PEPD: variants seen among roughly 807,000 people sequenced by gnomAD.
PEPD encodes xaa-Pro dipeptidase.
In PEPD, 53 loss-of-function variants were observed where a neutral mutation model predicts 60.7. That is an observed-to-expected ratio of 0.87 (90% CI 0.70 to 1.10). PEPD has a LOEUF of 1.10. Ranked by LOEUF, PEPD falls within the 50% of genes least tolerant of loss-of-function variation. The pLI, the probability that PEPD is intolerant of heterozygous loss-of-function variation, is 0.00. For synonymous variants in PEPD, 267 were observed against 284.1 expected, an observed-to-expected ratio of 0.94 and a Z score of 0.60; for missense variants, 711 against 711.9, an observed-to-expected ratio of 1.00 and a Z score of 0.01.
chr19:33,457,894 T>C (rs147531228), intron 9 of PEPD, among the ~76,000 whole-genome samples: 117 of 152,350 alleles, frequency 7.7e-4, no homozygotes, highest in Non-Finnish European at 2.8e-4. Context: ...TTAACAAGAA[T>C]GCAGCAAGGA....
intron 6 of PEPD, among the ~76,000 whole-genome samples, chr19:33,479,986 T>C (rs1384599060): frequency 6.6e-6 from 1 of 152,224 alleles, no homozygotes; most frequent in African/African-American, 2.4e-5. Context: ...CTTTGCGGAA[T>C]TGCCACGCTG....
intron 12 of PEPD, among the ~76,000 whole-genome samples, chr19:33,401,027 C>T (rs1020473292): frequency 2.0e-5 from 3 of 152,142 alleles, no homozygotes; most frequent in Non-Finnish European, 2.9e-5. Flanking sequence ...CAGACATCAA[C>T]GGCGCGCGGT....
chr19:33,409,019 T>A (rs953644919), intron 11 of PEPD, among the ~76,000 whole-genome samples: 19 of 152,246 alleles, frequency 1.2e-4, no homozygotes, highest in African/African-American at 4.6e-4. Context: ...AATCACCAAT[T>A]TGGACTTGGC....
Position 33,387,875 on chromosome 19 carries a change from C to T in PEPD, c.1344+15G>A, listed in dbSNP as rs200924647. ...AGATGTTCTGGGAGCAAGAATGGGGCCCGTGGGCACTCACCCCGCCAAAAC... is the reference window on the plus strand; with the variant it reads ...AGATGTTCTGGGAGCAAGAATGGGGTCCGTGGGCACTCACCCCGCCAAAAC... On this transcript the variant is annotated intron_variant, in intron 14 of 14. Coordinates refer to ENST00000244137, the MANE Select transcript of PEPD (RefSeq NM_000285.4). 3 of 1,549,134 alleles carry T rather than the reference C, an allele frequency of 1.9e-6. No individual in the cohort carries two copies. Among genetic ancestry groups the T allele is most frequent in the South Asian group, 2.4e-5 (2 of 84,308 alleles).
chr19:33,477,967 G>C, intron 7 of PEPD, 79 bp downstream of exon 7: 1 of 937,444 alleles, frequency 1.1e-6, no homozygotes, highest in Non-Finnish European at 1.7e-6. Context: ...CTGAGACGGT[G>C]TGGGCAGGAA....
At chr19:33,488,642 G>A (rs1970440567) in intron 6 of PEPD, among the ~76,000 whole-genome samples, 1 of 152,164 alleles carries the variant, frequency 6.6e-6, no homozygotes, top group South Asian at 2.1e-4. Context: ...ACTCCCAGGA[G>A]GACACGAAGA....
At chr19:33,455,665 G>C (rs1373141614) in intron 9 of PEPD, among the ~76,000 whole-genome samples, 1 of 144,434 alleles carries the variant, frequency 6.9e-6, no homozygotes, top group African/African-American at 2.6e-5. Context: ...ACCACACTCA[G>C]CTAATTAAAA....
chr19:33,449,126 C>T (rs1969649061), intron 9 of PEPD, among the ~76,000 whole-genome samples: 1 of 152,238 alleles, frequency 6.6e-6, no homozygotes, highest in Admixed American at 6.5e-5. Flanking sequence ...CCAAAGCCAA[C>T]TCCAGGTAGC....
At chr19:33,468,862 G>A (rs564798974) in intron 7 of PEPD, among the ~76,000 whole-genome samples, 5 of 152,306 alleles carry the variant, frequency 3.3e-5, no homozygotes, top group South Asian at 2.1e-4. Flanking sequence ...CTCTGATGCC[G>A]CCGTATGGCG....
At chr19:33,416,041 T>C (rs1968883067) in intron 9 of PEPD, among the ~76,000 whole-genome samples, 1 of 152,126 alleles carries the variant, frequency 6.6e-6, no homozygotes, top group Non-Finnish European at 1.5e-5. Context: ...TGGGCAGCTG[T>C]GGCGGCACAG....
intron 9 of PEPD, among the ~76,000 whole-genome samples, chr19:33,415,054 G>A (rs935827084): frequency 6.6e-6 from 1 of 152,210 alleles, no homozygotes; most frequent in Non-Finnish European, 1.5e-5. Flanking sequence ...CACATGGCAA[G>A]CCCTGTGCGC....
chr19:33,439,386 G>C (rs1467041134), intron 9 of PEPD, among the ~76,000 whole-genome samples: 1 of 152,250 alleles, frequency 6.6e-6, no homozygotes, highest in Non-Finnish European at 1.5e-5. Context: ...AGAGCCTGCA[G>C]ATCCTGTCCC....
chr19:33,478,087 G>C lies in PEPD; in HGVS notation c.507C>G (p.Phe169Leu), dbSNP rs377714630. The C allele has an allele frequency of 4.5e-5, 73 of 1,607,404 alleles. No homozygotes were observed. The highest frequency in any genetic ancestry group is 4.0e-5 in the African/African-American group (3 of 74,770). ...REASFDGISK[F>L]EVNNTILHPE... is the part of the protein sequence containing the mutation. ...GGTGAAGAATGGTATTGTTGACTTC[G>C]AACCTGTAGGGCGAAAAGAAATCAA... The change falls in exon 7 of 15, where the codon TTC (phenylalanine) becomes TTG (leucine). Residue 169 changes from phenylalanine to leucine, a missense_variant. Phe to Leu is a conservative substitution (Grantham distance 22, BLOSUM62 0). Coordinates refer to ENST00000244137, the MANE Select transcript of PEPD (RefSeq NM_000285.4).
intron 5 of PEPD, 86 bp downstream of exon 5, chr19:33,493,204 G>A (rs1600159832): frequency 2.1e-6 from 2 of 960,088 alleles, no homozygotes; most frequent in African/African-American, 3.2e-5. Flanking sequence ...CTCCCCTATG[G>A]GCCCGACCTC....
intron 9 of PEPD, among the ~76,000 whole-genome samples, chr19:33,447,185 T>A (rs1969609678): frequency 6.6e-6 from 1 of 152,174 alleles, no homozygotes; most frequent in Non-Finnish European, 1.5e-5. Flanking sequence ...CACTCACCAA[T>A]GAGGGGACCC....
Position 33,387,961 on chromosome 19 carries a change from C to A in PEPD, c.1273G>T (p.Ala425Ser). Residue 425 changes from alanine to serine, a missense_variant, in exon 14 of 15, where the codon GCC becomes TCC. Transcript: ENST00000244137. ...GAGGCGCGGGCCGGGTCCGCCAGGG[C>A]CTCATCCAGGAGGTGGTCGATGAAG... ...IYFIDHLLDE[A>S]LADPARASFL... 1 of 1,597,150 alleles carries A rather than the reference C, an allele frequency of 6.3e-7. No individual in the cohort carries two copies. Among genetic ancestry groups the A allele is most frequent in the Non-Finnish European group, 8.5e-7 (1 of 1,172,654 alleles).
intron 11 of PEPD, among the ~76,000 whole-genome samples, chr19:33,407,790 G>A (rs1385196467): frequency 6.6e-6 from 1 of 152,244 alleles, no homozygotes; most frequent in African/African-American, 2.4e-5. Context: ...CCGGAGGCTT[G>A]ACGGCTACAG....
intron 9 of PEPD, among the ~76,000 whole-genome samples, chr19:33,415,056 C>T (rs1968859215): frequency 6.6e-6 from 1 of 152,212 alleles, no homozygotes; most frequent in South Asian, 2.1e-4. Context: ...CATGGCAAGC[C>T]CTGTGCGCCA....
chr19:33,500,385 A>T (rs1216399968), intron 4 of PEPD, among the ~76,000 whole-genome samples: 1 of 152,174 alleles, frequency 6.6e-6, no homozygotes, highest in Non-Finnish European at 1.5e-5. Flanking sequence ...AGCCCCTTTG[A>T]CCTGCCTGAA....
Sources: gnomAD v4.1 joint callset for allele counts (sites outside exome capture counted in the v4.1 genomes callset) on GRCh38, gnomAD v4.1.1 for gene constraint, MANE v1.5 for transcripts, NCBI Gene and HGNC (gene_info 2026-07-23, HGNC 2026-07-21) for gene names.